The following PCYT1B variants were observed in gnomAD, a reference collection of about 807,000 sequenced individuals.
PCYT1B encodes choline-phosphate cytidylyltransferase B.
In PCYT1B, 10 loss-of-function variants were observed where a neutral mutation model predicts 26.4. That is an observed-to-expected ratio of 0.38 (90% confidence interval 0.23 to 0.64). The LOEUF is 0.64. Ranked by LOEUF, PCYT1B falls within the 30% of genes least tolerant of loss-of-function variation. PCYT1B has a pLI of 0.56. For missense variants in PCYT1B, 161 were observed against 292.7 expected (o/e 0.55, Z 3.28); for synonymous variants, 131 against 108.4 (o/e 1.21, Z -1.29).
rs779316769 is a variant in PCYT1B, at chrX:24,637,509, T to TATATATATATATATATATATATATAA, written c.117+9479_117+9480insTTATATATATATATATATATATATAT. Among the ~76,000 whole-genome samples, 123 of 63,920 alleles carry TATATATATATATATATATATATATAA rather than the reference T, an allele frequency of 1.9e-3. 5 individuals carry two copies. Among genetic ancestry groups the TATATATATATATATATATATATATAA allele is most frequent in the East Asian group, 4.0e-3 (4 of 1,004 alleles). The allele number at this position is 63,920 out of a possible 115,157, so 55.5% of individuals were successfully genotyped here. On this transcript the variant is annotated intron_variant, in intron 1 of 7. Coordinates refer to ENST00000379144, the MANE Select transcript of PCYT1B (RefSeq NM_004845.5). ...AAAAAAAAATATATATATATATATA[T>TATATATATATATATATATATATATAA]ATAAATTAGCTGAGCGTGGTGGCGT... is the stretch of plus-strand genomic sequence containing the variant.
At chrX:24,654,581 T>G (rs1410466025) in intron 1 of PCYT1B, among the ~76,000 whole-genome samples, 1 of 103,065 alleles carries the variant, frequency 9.7e-6, no homozygotes, top group Non-Finnish European at 2.0e-5. Context: ...CAAAACCTGG[T>G]CTCTACTAAA....
intron 1 of PCYT1B, among the ~76,000 whole-genome samples, chrX:24,637,223 G>A (rs759408269): frequency 1.1e-4 from 12 of 108,712 alleles, no homozygotes; most frequent in Non-Finnish European, 2.3e-4. Flanking sequence ...TCTTGCTTCC[G>A]AATCACCTGG....
chrX:24,600,448 G>C (rs1924922459), intron 3 of PCYT1B, among the ~76,000 whole-genome samples: 1 of 110,474 alleles, frequency 9.1e-6, no homozygotes, highest in Admixed American at 9.8e-5. Flanking sequence ...CCCACAAGCA[G>C]AGCTACCTCC....
At chrX:24,583,295 A>C (rs960532079) in intron 5 of PCYT1B, among the ~76,000 whole-genome samples, 1 of 111,695 alleles carries the variant, frequency 9.0e-6, no homozygotes, top group African/African-American at 3.3e-5. Flanking sequence ...TGGCAACTGC[A>C]ACTGAGTGCC....
At chrX:24,617,629 G>A (rs1299154655) in intron 2 of PCYT1B, among the ~76,000 whole-genome samples, 1 of 108,547 alleles carries the variant, frequency 9.2e-6, no homozygotes, top group East Asian at 2.9e-4. Flanking sequence ...TGTATTTTTA[G>A]TAGAGACGGG....
intron 4 of PCYT1B, among the ~76,000 whole-genome samples, chrX:24,589,808 C>T (rs778453848): frequency 1.8e-5 from 2 of 111,241 alleles, no homozygotes; most frequent in South Asian, 3.9e-4. Context: ...TGGACCTGGG[C>T]GGTTTAGATC....
At position 24,643,615 on chromosome X, in the gene PCYT1B, T is replaced by G. The variant is rs772383474; in HGVS notation, c.117+3374A>C. On this transcript the variant is annotated intron_variant, in intron 1 of 7. Coordinates refer to ENST00000379144, the MANE Select transcript of PCYT1B (RefSeq NM_004845.5). The stretch of plus-strand genomic sequence containing the variant: ...CTATTTAATCGTCTCCTTTCTTATA[T>G]TTTCCTCTAATGAAGAATAAGGCAG... Among the ~76,000 whole-genome samples, 17 of 112,371 alleles carry G rather than the reference T, an allele frequency of 1.5e-4. No individual in the cohort carries two copies. In the South Asian group the frequency reaches 6.3e-3, roughly 42 times the overall value.
intron 5 of PCYT1B, among the ~76,000 whole-genome samples, chrX:24,584,594 C>T (rs1924308858): frequency 8.9e-6 from 1 of 112,425 alleles, no homozygotes; most frequent in South Asian, 3.7e-4. Flanking sequence ...ACCAGCCCTG[C>T]AGGGGATGGC....
At chrX:24,643,579 G>A (rs1021504875) in intron 1 of PCYT1B, among the ~76,000 whole-genome samples, 1 of 111,756 alleles carries the variant, frequency 8.9e-6, no homozygotes, top group African/African-American at 3.2e-5. Flanking sequence ...CTTTATCAGA[G>A]TTACTGCATT....
intron 4 of PCYT1B, among the ~76,000 whole-genome samples, chrX:24,588,387 A>G (rs1402305379): frequency 9.0e-6 from 1 of 110,983 alleles, no homozygotes; most frequent in Non-Finnish European, 1.9e-5. Flanking sequence ...TTTTCTGGTC[A>G]TCCTCATGCC....
At chrX:24,572,410 T>C (rs995372656) in intron 7 of PCYT1B, among the ~76,000 whole-genome samples, 3 of 111,521 alleles carry the variant, frequency 2.7e-5, no homozygotes, top group African/African-American at 9.8e-5. Flanking sequence ...CCAGAAACAT[T>C]TGTGGAATAC....
At chrX:24,618,591 T>C (rs1602184651) in intron 2 of PCYT1B, among the ~76,000 whole-genome samples, 1 of 104,583 alleles carries the variant, frequency 9.6e-6, no homozygotes, top group Non-Finnish European at 1.9e-5. Flanking sequence ...TGAAAGCAAG[T>C]GCTGCACAAA....
At chrX:24,633,769 T>C (rs1166948175) in intron 1 of PCYT1B, among the ~76,000 whole-genome samples, 3 of 111,901 alleles carry the variant, frequency 2.7e-5, no homozygotes, top group African/African-American at 9.7e-5. Flanking sequence ...TTACATAAAT[T>C]AGCCTATGTT....
At position 24,601,812 on chromosome X, in the gene PCYT1B, G is replaced by A. The variant is rs138494441; in HGVS notation, c.334+5933C>T. 5.1e-4 allele frequency among the ~76,000 whole-genome samples: 57 copies of A among 112,067 alleles called. 1 individual carries two copies. The highest frequency in any genetic ancestry group is 8.1e-4 in the African/African-American group (25 of 30,895). ...AACCAAATGCTGGCAAGGACATGAC[G>A]CAATAGGATCTCTCATTTATTGCTG... On this transcript the variant is annotated intron_variant, in intron 3 of 7. Coordinates refer to ENST00000379144, the MANE Select transcript of PCYT1B (RefSeq NM_004845.5).
intron 1 of PCYT1B, among the ~76,000 whole-genome samples, chrX:24,671,503 A>C (rs1193285241): frequency 9.0e-6 from 1 of 111,448 alleles, no homozygotes; most frequent in Non-Finnish European, 1.9e-5. Context: ...ATGATCAATC[A>C]GTCATGTAGC....
At chrX:24,627,335 C>T (rs1338356401) in intron 1 of PCYT1B, among the ~76,000 whole-genome samples, 2 of 111,392 alleles carry the variant, frequency 1.8e-5, no homozygotes, top group Non-Finnish European at 3.8e-5. Context: ...CAGAGCGTTT[C>T]GTTTTGTTTC....
At chrX:24,576,614 G>C (rs1371420189) in intron 6 of PCYT1B, among the ~76,000 whole-genome samples, 1 of 111,747 alleles carries the variant, frequency 8.9e-6, no homozygotes, top group East Asian at 2.8e-4. Flanking sequence ...CTGTGTTTCG[G>C]AAGTTTTTGA....
intron 1 of PCYT1B, among the ~76,000 whole-genome samples, chrX:24,637,490 A>AT (rs1438823126): frequency 2.7e-5 from 2 of 74,874 alleles, no homozygotes; most frequent in East Asian, 6.4e-4. Flanking sequence ...AAAAAAAAAA[A>AT]AATATATATA....
At chrX:24,612,536 A>G (rs762305834) in intron 2 of PCYT1B, among the ~76,000 whole-genome samples, 4 of 112,235 alleles carry the variant, frequency 3.6e-5, no homozygotes, top group African/African-American at 6.5e-5. Context: ...ACAAGAGAAG[A>G]TCCTCAATAA....
Sources: gnomAD v4.1 joint callset for allele counts (sites outside exome capture counted in the v4.1 genomes callset) on GRCh38, gnomAD v4.1.1 for gene constraint, MANE v1.5 for transcripts, NCBI Gene and HGNC (gene_info 2026-07-23, HGNC 2026-07-21) for gene names.